MAP2K1: variants seen among roughly 807,000 people sequenced by gnomAD.
MAP2K1 encodes the protein mitogen-activated protein kinase kinase 1, also known as dual specificity mitogen-activated protein kinase kinase 1.
A neutral mutation model predicts 46.3 loss-of-function variants in MAP2K1; 16 were observed. The ratio of observed to expected loss-of-function variants is 0.35; its 90% CI spans 0.23 to 0.52. The LOEUF is 0.52. MAP2K1 is among the 20% of genes least tolerant of loss of function. The pLI is 0.94. For synonymous variants in MAP2K1, 183 were observed against 185.6 expected, an observed-to-expected ratio of 0.99 and a Z score of 0.11; for missense variants, 263 against 497.1, an observed-to-expected ratio of 0.53 and a Z score of 4.48.
Position 66,397,861 on chromosome 15 carries a change from C to T in MAP2K1, c.80+10434C>T, listed in dbSNP as rs566340574. 3.6e-4 allele frequency among the ~76,000 whole-genome samples: 55 copies of T among 152,016 alleles called. 1 individual carries two copies. The South Asian group carries it at 0.01, about 28-fold the overall frequency. ...GCTCACGCCTGTAATCCCAGCACTT[C>T]GGGAGGCCGAGGCGTGCAGATCACG... On this transcript the variant is annotated intron_variant, in intron 1 of 10. Transcript: ENST00000307102.
chr15:66,416,128 T>A (rs971831382), intron 1 of MAP2K1, among the ~76,000 whole-genome samples: 3 of 152,172 alleles, frequency 2.0e-5, no homozygotes, highest in Non-Finnish European at 4.4e-5. Context: ...AGGATTAAAC[T>A]TGGGGATTAC....
At chr15:66,461,748 C>T (rs1341015634) in intron 5 of MAP2K1, among the ~76,000 whole-genome samples, 1 of 152,134 alleles carries the variant, frequency 6.6e-6, no homozygotes, top group Admixed American at 6.5e-5. Flanking sequence ...CTGCTACCCA[C>T]CAAGTGACCT....
At position 66,389,571 on chromosome 15, in the gene MAP2K1, G is replaced by GTTTTTTTTTTTTTTTTTTT. The variant is rs2093351832; in HGVS notation, c.80+2144_80+2145insTTTTTTTTTTTTTTTTTTT. ...TAAGTTTGAAGCCTAGCTCTGTTGTGGTTTTTTTTTTTTTTTTTTTTTTTT... is the reference window on the plus strand; with the variant it reads ...TAAGTTTGAAGCCTAGCTCTGTTGTGTTTTTTTTTTTTTTTTTTTGTTTTTTTTTTTTTTTTTTTTTTTT... On this transcript the variant is annotated intron_variant, in intron 1 of 10. Coordinates refer to ENST00000307102, the MANE Select transcript of MAP2K1 (RefSeq NM_002755.4). Among the ~76,000 whole-genome samples the GTTTTTTTTTTTTTTTTTTT allele has an allele frequency of 1.8e-5, 2 of 113,144 alleles. 1 individual carries two copies. The highest frequency in any genetic ancestry group is 3.6e-5 in the Non-Finnish European group (2 of 55,404). The allele number at this position is 113,144 out of a possible 152,430, so 74.2% of individuals were successfully genotyped here.
intron 1 of MAP2K1, among the ~76,000 whole-genome samples, chr15:66,395,947 A>G (rs2093366522): frequency 6.6e-6 from 1 of 152,120 alleles, no homozygotes; most frequent in Non-Finnish European, 1.5e-5. Context: ...TGTCTTGTGT[A>G]CTGGTATTTC....
chr15:66,424,077 G>A (rs2093450814), intron 1 of MAP2K1, among the ~76,000 whole-genome samples: 1 of 141,372 alleles, frequency 7.1e-6, no homozygotes, highest in South Asian at 2.3e-4. Flanking sequence ...TTTTTTTTGA[G>A]GTGGAGTTTT....
At chr15:66,389,266 T>G (rs568185148) in intron 1 of MAP2K1, among the ~76,000 whole-genome samples, 1 of 152,336 alleles carries the variant, frequency 6.6e-6, no homozygotes, top group East Asian at 1.9e-4. Flanking sequence ...AAGTCATGAC[T>G]GTTGTTAGGA....
At chr15:66,392,255 G>GTTTGTTTTTTTT (rs2093357927) in intron 1 of MAP2K1, among the ~76,000 whole-genome samples, 1 of 97,758 alleles carries the variant, frequency 1.0e-5, no homozygotes, top group African/African-American at 4.5e-5. Context: ...TTTTTTTTGG[G>GTTTGTTTTTTTT]TTTTTTTTTT....
chr15:66,412,492 T>G (rs2093413776), intron 1 of MAP2K1, among the ~76,000 whole-genome samples: 1 of 152,212 alleles, frequency 6.6e-6, no homozygotes, highest in South Asian at 2.1e-4. Flanking sequence ...CTCCTGCATT[T>G]GTGTAGCTCT....
At chr15:66,457,621 GGAAGGAGAATCCCTTGACA>G (rs1191565022) in intron 5 of MAP2K1, among the ~76,000 whole-genome samples, 1 of 152,096 alleles carries the variant, frequency 6.6e-6, no homozygotes, top group Non-Finnish European at 1.5e-5. Context: ...AACCAAAAGG[GGAAGGAGAATCCCTTGACA>G]GAAGCTTTAG....
chr15:66,433,576 C>T (rs1398217114), intron 1 of MAP2K1, among the ~76,000 whole-genome samples: 1 of 151,970 alleles, frequency 6.6e-6, no homozygotes, highest in African/African-American at 2.4e-5. Flanking sequence ...AAGGCAGTGT[C>T]AGATCTCCTC....
chr15:66,420,721 A>ATATATATATATATATATATATGTG (rs1461381065), intron 1 of MAP2K1, among the ~76,000 whole-genome samples: 2 of 29,684 alleles, frequency 6.7e-5, no homozygotes, highest in South Asian at 1.3e-3. Context: ...ATATATATAT[A>ATATATATATATATATATATATGTG]TGTGTGTGTG....
At chr15:66,396,020 G>A (rs529007242) in intron 1 of MAP2K1, among the ~76,000 whole-genome samples, 3 of 151,764 alleles carry the variant, frequency 2.0e-5, no homozygotes, top group African/African-American at 4.8e-5. Flanking sequence ...GTTTTGTTTT[G>A]TTTTTGGAGA....
chr15:66,472,366 T>G (rs1892658191), intron 5 of MAP2K1, among the ~76,000 whole-genome samples: 2 of 152,184 alleles, frequency 1.3e-5, no homozygotes, highest in African/African-American at 4.8e-5. Context: ...GATGTTGGCT[T>G]TCTTCTCTCG....
At chr15:66,464,716 G>A (rs746525479) in intron 5 of MAP2K1, among the ~76,000 whole-genome samples, 8 of 151,246 alleles carry the variant, frequency 5.3e-5, no homozygotes, top group African/African-American at 1.2e-4. Flanking sequence ...GTAGAGACAG[G>A]GTTTCTCCAT....
At chr15:66,448,932 A>T (rs778064702) in intron 5 of MAP2K1, among the ~76,000 whole-genome samples, 2 of 134,364 alleles carry the variant, frequency 1.5e-5, no homozygotes, top group Non-Finnish European at 3.1e-5. Flanking sequence ...TGAACCTGGG[A>T]GGCAGAAGTT....
chr15:66,434,154 A>G (rs2093481552), intron 1 of MAP2K1, among the ~76,000 whole-genome samples: 2 of 152,202 alleles, frequency 1.3e-5, no homozygotes. Flanking sequence ...CCCTATGAAC[A>G]CTAGTTAAAA....
chr15:66,393,060 C>T (rs1350149539), intron 1 of MAP2K1, among the ~76,000 whole-genome samples: 1 of 152,192 alleles, frequency 6.6e-6, no homozygotes, highest in African/African-American at 2.4e-5. Flanking sequence ...CTTGCACATC[C>T]TTGTCTCCTT....
intron 5 of MAP2K1, among the ~76,000 whole-genome samples, chr15:66,476,048 A>G (rs1293887601): frequency 1.3e-5 from 2 of 152,224 alleles, no homozygotes; most frequent in African/African-American, 4.8e-5. Flanking sequence ...GGAGAAGAAC[A>G]TACTTTCTGA....
chr15:66,424,516 T>C (rs2093452028), intron 1 of MAP2K1, among the ~76,000 whole-genome samples: 1 of 152,220 alleles, frequency 6.6e-6, no homozygotes. Context: ...GCTTTCTTTT[T>C]AATATTAACT....
Sources: gnomAD v4.1 joint callset for allele counts (sites outside exome capture counted in the v4.1 genomes callset) on GRCh38, gnomAD v4.1.1 for gene constraint, MANE v1.5 for transcripts, NCBI Gene and HGNC (gene_info 2026-07-23, HGNC 2026-07-21) for gene names.